The following FRMPD3 variants were observed in gnomAD, a reference collection of about 807,000 sequenced individuals.
The protein encoded by FRMPD3 is FERM and PDZ domain containing 3.
FRMPD3 carries 42 observed loss-of-function variants against 97.9 expected under a neutral mutation model. The ratio of observed to expected loss-of-function variants is 0.43; its 90% CI spans 0.34 to 0.55. The LOEUF is 0.55. Among genes scored for constraint, FRMPD3 ranks in the 20% least tolerant of loss-of-function variants. The pLI, the probability that FRMPD3 is intolerant of heterozygous loss-of-function variation, is 0.03. For missense variants in FRMPD3, 1,303 were observed against 1,457.7 expected (o/e 0.89, Z 1.73); for synonymous variants, 577 against 581.1 (o/e 0.99, Z 0.10).
intron 1 of FRMPD3, among the ~76,000 whole-genome samples, chrX:107,473,635 G>C (rs760715617): frequency 4.6e-4 from 52 of 112,268 alleles, no homozygotes; most frequent in Non-Finnish European, 8.8e-4. Flanking sequence ...GCCAGGAGTA[G>C]AGGTTCTAAT....
At chrX:107,452,799 G>T (rs1931311601) in intron 1 of FRMPD3, among the ~76,000 whole-genome samples, 1 of 109,447 alleles carries the variant, frequency 9.1e-6, no homozygotes, top group South Asian at 4.0e-4. Context: ...CCAGTTGGGG[G>T]ATTTTGTGAC....
At chrX:107,527,545 C>T (rs1181259796) in intron 2 of FRMPD3, among the ~76,000 whole-genome samples, 1 of 111,872 alleles carries the variant, frequency 8.9e-6, no homozygotes, top group Non-Finnish European at 1.9e-5. Flanking sequence ...ACAAGCAAAG[C>T]CCCACCTAAG....
intron 3 of FRMPD3, among the ~76,000 whole-genome samples, chrX:107,530,926 A>G (rs1222051397): frequency 9.0e-6 from 1 of 110,707 alleles, no homozygotes; most frequent in Non-Finnish European, 1.9e-5. Flanking sequence ...GAAAAAACTC[A>G]GAATCCCTGG....
At chrX:107,570,726 C>T (rs1410995647) in intron 12 of FRMPD3, among the ~76,000 whole-genome samples, 1 of 111,665 alleles carries the variant, frequency 9.0e-6, no homozygotes, top group African/African-American at 3.3e-5. Flanking sequence ...TTTTACCCTT[C>T]CCCTCCAGGC....
At chrX:107,498,129 C>T (rs1175038048) in intron 1 of FRMPD3, among the ~76,000 whole-genome samples, 1 of 112,592 alleles carries the variant, frequency 8.9e-6, no homozygotes, top group East Asian at 2.8e-4. Context: ...GCAAAGGTGT[C>T]CACTAATGCC....
chrX:107,481,545 A>T (rs1051741355), intron 1 of FRMPD3, among the ~76,000 whole-genome samples: 1 of 111,833 alleles, frequency 8.9e-6, no homozygotes, highest in Non-Finnish European at 1.9e-5. Flanking sequence ...TACATTAATC[A>T]CCATAAAGGA....
chrX:107,453,318 G>A (rs181697976), intron 1 of FRMPD3, among the ~76,000 whole-genome samples: 1 of 110,326 alleles, frequency 9.1e-6, no homozygotes, highest in African/African-American at 3.3e-5. Context: ...AGACAAGCTT[G>A]GTTTTGGGGG....
intron 13 of FRMPD3, among the ~76,000 whole-genome samples, chrX:107,581,917 G>GT (rs1004071137): frequency 9.0e-6 from 1 of 110,914 alleles, no homozygotes; most frequent in Admixed American, 9.6e-5. Flanking sequence ...ATAGACATTT[G>GT]TTTTTTTCCC....
At chrX:107,554,530 GA>G in intron 8 of FRMPD3, 26 bp downstream of exon 8, 3 of 1,197,169 alleles carry the variant, frequency 2.5e-6, no homozygotes, top group Non-Finnish European at 3.4e-6. Flanking sequence ...GGGATACACA[GA>G]CAGACCAGTG....
Position 107,534,759 on chromosome X carries a change from ACTCACACATATC to A in FRMPD3, c.297+1217_297+1228del, listed in dbSNP as rs765313043. Among the ~76,000 whole-genome samples the A allele has an allele frequency of 2.1e-4, 23 of 111,378 alleles. No homozygotes were observed. In the South Asian group the frequency reaches 8.4e-3, roughly 41 times the overall value. ...TCATTCACAACCTCATGCATAATAGACTCACACATATCCTCACACGTACACTCACACACATAC... is the reference window on the plus strand; with the variant it reads ...TCATTCACAACCTCATGCATAATAGACTCACACGTACACTCACACACATAC... On this transcript the variant is annotated intron_variant, in intron 4 of 14. Transcript: ENST00000683843.
rs866021102 is a variant in FRMPD3, at chrX:107,560,372, A to G, written c.878A>G (p.Lys293Arg). ...ITVSATRPSQKISLKNVEKEW... is the reference protein window; with the variant it reads ...ITVSATRPSQRISLKNVEKEW... ...GTCTCAGCCACTCGACCTAGTCAGA[A>G]GATCTCGCTCAAGAATGTGGAGTGA... The change falls in exon 9 of 15, where the codon AAG (lysine) becomes AGG (arginine). Residue 293 changes from lysine (K) to arginine (R), a missense_variant. By Grantham distance (26) the Lys-to-Arg change is conservative. This residue lies in a region of FRMPD3 where 535 missense variants were observed against 618.6 expected (regional missense o/e 0.86). Coordinates refer to ENST00000683843, the MANE Select transcript of FRMPD3 (RefSeq NM_001388459.1). The G allele has an allele frequency of 8.3e-7, 1 of 1,209,698 alleles. No individual in the cohort carries two copies. Among genetic ancestry groups the G allele is most frequent in the African/African-American group, 1.7e-5 (1 of 57,546 alleles).
chrX:107,525,467 T>C (rs934947895), intron 1 of FRMPD3: 2 of 485,854 alleles, frequency 4.1e-6, no homozygotes, highest in Admixed American at 5.8e-5. Context: ...ATGGAGAACA[T>C]TTATGAAGCT....
intron 13 of FRMPD3, among the ~76,000 whole-genome samples, chrX:107,592,184 A>T (rs1923941132): frequency 9.0e-6 from 1 of 110,679 alleles, no homozygotes; most frequent in Non-Finnish European, 1.9e-5. Context: ...AGAACATATG[A>T]TGTTTGGTTT....
chrX:107,585,510 T>C (rs7065327), intron 13 of FRMPD3, among the ~76,000 whole-genome samples: 1 of 111,638 alleles, frequency 9.0e-6, no homozygotes, highest in Non-Finnish European at 1.9e-5. Flanking sequence ...GGCATCCTTG[T>C]CTCGTACTGG....
chrX:107,525,114 G>A (rs1307289022), intron 1 of FRMPD3, among the ~76,000 whole-genome samples: 1 of 104,227 alleles, frequency 9.6e-6, no homozygotes, highest in Non-Finnish European at 1.9e-5. Context: ...TCTGTATCTT[G>A]TTCCAAAGGG....
In FRMPD3 at chrX:107,545,842, G is replaced by A. The variant is rs1440942146; in HGVS notation, c.402+1G>A. The A allele has an allele frequency of 8.4e-7, 1 of 1,189,933 alleles. No homozygotes were observed. Among genetic ancestry groups the A allele is most frequent in the Non-Finnish European group, 1.1e-6 (1 of 878,079 alleles). Reference sequence around the variant, plus strand: ...GGTGGCAGTTGGAGAAACAGATGCAGTAAGTGTAGCTTTGGCTCCCTCTCC... The same window carrying A: ...GGTGGCAGTTGGAGAAACAGATGCAATAAGTGTAGCTTTGGCTCCCTCTCC... On this transcript the variant is annotated splice_donor_variant, in intron 5 of 14. Coordinates refer to ENST00000683843, the MANE Select transcript of FRMPD3 (RefSeq NM_001388459.1). LOFTEE classifies it high-confidence loss of function.
At chrX:107,456,745 T>G (rs1454637623) in intron 1 of FRMPD3, among the ~76,000 whole-genome samples, 1 of 112,312 alleles carries the variant, frequency 8.9e-6, no homozygotes, top group Non-Finnish European at 1.9e-5. Context: ...CTCTTTGACT[T>G]GTCACAGAAA....
intron 1 of FRMPD3, among the ~76,000 whole-genome samples, chrX:107,522,034 A>T (rs1922524105): frequency 1.8e-5 from 2 of 111,512 alleles, no homozygotes; most frequent in African/African-American, 6.5e-5. Context: ...TGATGGAGGG[A>T]TCAGTTTAGC....
At chrX:107,520,747 T>G (rs1232212173) in intron 1 of FRMPD3, among the ~76,000 whole-genome samples, 2 of 112,281 alleles carry the variant, frequency 1.8e-5, no homozygotes, top group Non-Finnish European at 3.8e-5. Flanking sequence ...TAGGCAGACC[T>G]GGGTTCACAT....
Sources: gnomAD v4.1 joint callset for allele counts (sites outside exome capture counted in the v4.1 genomes callset) on GRCh38, gnomAD v4.1.1 for gene constraint, gnomAD v4.1.1 regional missense constraint, MANE v1.5 for transcripts, NCBI Gene and HGNC (gene_info 2026-07-23, HGNC 2026-07-21) for gene names.